The following ADGRL3 variants were observed in gnomAD, a reference collection of about 807,000 sequenced individuals.
ADGRL3 encodes adhesion G protein-coupled receptor L3, also known as calcium-independent alpha-latrotoxin receptor 3.
ADGRL3 carries 62 observed loss-of-function variants against 153.5 expected under a neutral mutation model. The observed-to-expected ratio is 0.40, with a 90% CI of 0.33 to 0.50. The LOEUF (loss-of-function observed/expected upper bound fraction) is 0.50. Among genes scored for constraint, ADGRL3 ranks in the 20% least tolerant of loss-of-function variants. The pLI is 0.47. For synonymous variants in ADGRL3, 710 were observed against 672.5 expected, an observed-to-expected ratio of 1.06 and a Z score of -0.86; for missense variants, 1,641 against 1,859.4, an observed-to-expected ratio of 0.88 and a Z score of 2.16.
At chr4:61,880,886 A>G (rs149232518) in intron 9 of ADGRL3, among the ~76,000 whole-genome samples, 1 of 152,292 alleles carries the variant, frequency 6.6e-6, no homozygotes, top group Non-Finnish European at 1.5e-5. Flanking sequence ...AGTGAGTCTC[A>G]TTATTAGATA....
At chr4:61,566,726 T>C (rs2098817800) in intron 4 of ADGRL3, among the ~76,000 whole-genome samples, 1 of 152,126 alleles carries the variant, frequency 6.6e-6, no homozygotes, top group Non-Finnish European at 1.5e-5. Context: ...TTTATCCTTA[T>C]AAATAATATT....
intron 1 of ADGRL3, among the ~76,000 whole-genome samples, chr4:61,316,843 G>A (rs1258466437): frequency 6.6e-6 from 1 of 152,140 alleles, no homozygotes; most frequent in East Asian, 1.9e-4. Context: ...ATGTTAAGTG[G>A]CTGATACATA....
chr4:61,203,203 A>G (rs1210386884), intron 1 of ADGRL3, among the ~76,000 whole-genome samples: 2 of 152,060 alleles, frequency 1.3e-5, no homozygotes, highest in Non-Finnish European at 2.9e-5. Flanking sequence ...CCACTTTCCT[A>G]CCTCTGATAG....
chr4:61,523,204 A>C (rs2098541251), intron 4 of ADGRL3, among the ~76,000 whole-genome samples: 1 of 152,072 alleles, frequency 6.6e-6, no homozygotes, highest in Admixed American at 6.6e-5. Context: ...TTGTTACTAC[A>C]TTATAGTCTG....
intron 1 of ADGRL3, among the ~76,000 whole-genome samples, chr4:61,282,765 TA>T (rs968370214): frequency 9.2e-5 from 14 of 152,054 alleles, no homozygotes; most frequent in Non-Finnish European, 1.9e-4. Context: ...ATAGCACTGA[TA>T]AAAAATAAAA....
At chr4:62,024,643 A>G (rs1717262941) in intron 21 of ADGRL3, among the ~76,000 whole-genome samples, 1 of 152,148 alleles carries the variant, frequency 6.6e-6, no homozygotes, top group Non-Finnish European at 1.5e-5. Context: ...TAAATTCTGA[A>G]TGCCAGGCTG....
intron 6 of ADGRL3, among the ~76,000 whole-genome samples, chr4:61,709,415 A>G (rs2095920116): frequency 6.6e-6 from 1 of 152,104 alleles, no homozygotes; most frequent in Admixed American, 6.6e-5. Flanking sequence ...TATGTTTACC[A>G]TTGATCCTTC....
intron 1 of ADGRL3, among the ~76,000 whole-genome samples, chr4:61,369,999 T>A (rs2096488723): frequency 6.6e-6 from 1 of 152,020 alleles, no homozygotes; most frequent in South Asian, 2.1e-4. Flanking sequence ...TCTTCTAGAT[T>A]TTCTAGTTTA....
In ADGRL3 at chr4:61,983,470, A is replaced by G; in HGVS notation, c.3103A>G (p.Ile1035Val). The change falls in exon 19 of 27, where the codon ATC becomes GTC. Residue 1035 changes from isoleucine to valine, a missense_variant. Physicochemically the swap from Ile to Val is conservative, Grantham distance 29 (BLOSUM62 3). Transcript: ENST00000683033. The part of the protein sequence containing the change: ...WMFLEGVQLY[I>V]MLVEVFESEH... ...GTTCCTGGAGGGGGTGCAGCTTTATATCATGCTGGTGGAGGTTTTTGAGAG... is the reference window on the plus strand; with the variant it reads ...GTTCCTGGAGGGGGTGCAGCTTTATGTCATGCTGGTGGAGGTTTTTGAGAG... 2 of 1,613,914 alleles carry G rather than the reference A, an allele frequency of 1.2e-6. No homozygotes were observed. The highest frequency in any genetic ancestry group is 1.7e-6 in the Non-Finnish European group (2 of 1,179,866).
rs1007892229 is a variant in ADGRL3 at position 61,579,175 on chromosome 4, C to A, written c.260-8052C>A. Among the ~76,000 whole-genome samples the A allele has an allele frequency of 2.6e-5, 4 of 152,018 alleles. No individual in the cohort carries two copies. The East Asian group carries it at 7.7e-4, about 29-fold the overall frequency. ...ATGTGAAGGGAGACTTCAGATGACA[C>A]CCATGTCTTATGTGTAATAATTCCC... is the stretch of plus-strand genomic sequence containing the variant. On this transcript the variant is annotated intron_variant, in intron 4 of 26. Coordinates refer to ENST00000683033, the MANE Select transcript of ADGRL3 (RefSeq NM_001387552.1).
chr4:61,970,343 C>T (rs1354435506), intron 17 of ADGRL3, among the ~76,000 whole-genome samples: 1 of 152,090 alleles, frequency 6.6e-6, no homozygotes, highest in Non-Finnish European at 1.5e-5. Flanking sequence ...CATTCTCATC[C>T]CAGACACTCT....
At chr4:61,819,936 T>C (rs2097732275) in intron 9 of ADGRL3, among the ~76,000 whole-genome samples, 1 of 152,124 alleles carries the variant, frequency 6.6e-6, no homozygotes, top group African/African-American at 2.4e-5. Context: ...AACCCCCTTC[T>C]TCCCCCTCAC....
chr4:61,596,750 T>TG (rs1189020283), intron 5 of ADGRL3, among the ~76,000 whole-genome samples: 8 of 152,154 alleles, frequency 5.3e-5, no homozygotes, highest in South Asian at 4.1e-4. Flanking sequence ...CACAGCTACT[T>TG]GGGAGGGTAA....
intron 9 of ADGRL3, among the ~76,000 whole-genome samples, chr4:61,876,040 GA>G (rs1398137083): frequency 1.9e-4 from 29 of 151,100 alleles, no homozygotes; most frequent in Admixed American, 3.3e-4. Flanking sequence ...AAATAGAAAA[GA>G]AAAAAAGAGC....
intron 17 of ADGRL3, among the ~76,000 whole-genome samples, chr4:61,948,492 G>C (rs1299122156): frequency 6.6e-6 from 1 of 152,042 alleles, no homozygotes. Context: ...TAAAATTGAA[G>C]TTTGCTTAAT....
chr4:61,504,620 T>C (rs952410514), intron 3 of ADGRL3, among the ~76,000 whole-genome samples: 11 of 152,198 alleles, frequency 7.2e-5, no homozygotes, highest in Non-Finnish European at 1.6e-4. Flanking sequence ...AACAGTATTT[T>C]TGTACCAACT....
At chr4:61,520,361 A>G (rs1375847595) in intron 4 of ADGRL3, among the ~76,000 whole-genome samples, 3 of 152,158 alleles carry the variant, frequency 2.0e-5, no homozygotes, top group Non-Finnish European at 4.4e-5. Flanking sequence ...GAAGATCTAC[A>G]AATAATGTTC....
chr4:61,367,234 T>A (rs559033449), intron 1 of ADGRL3, among the ~76,000 whole-genome samples: 2 of 152,116 alleles, frequency 1.3e-5, no homozygotes, highest in East Asian at 3.9e-4. Flanking sequence ...GTCGCTTTTT[T>A]TTTTATTTTT....
intron 1 of ADGRL3, among the ~76,000 whole-genome samples, chr4:61,301,056 C>T (rs2094568736): frequency 6.6e-6 from 1 of 152,110 alleles, no homozygotes; most frequent in African/African-American, 2.4e-5. Flanking sequence ...AGCCACTGCG[C>T]CAGTCCAAGA....
Sources: allele counts gnomAD v4.1 joint callset (sites outside exome capture counted in the v4.1 genomes callset), GRCh38; gene constraint gnomAD v4.1.1; transcripts MANE v1.5; gene names NCBI Gene and HGNC (gene_info 2026-07-23, HGNC 2026-07-21).